The following NRXN3 variants were observed in gnomAD, a reference collection of about 807,000 sequenced individuals.
NRXN3 encodes the protein neurexin 3, also known as neurexin III.
In NRXN3, 32 loss-of-function variants were observed where a neutral mutation model predicts 137.6. The observed-to-expected ratio is 0.23, with a 90% CI of 0.18 to 0.31. The LOEUF (loss-of-function observed/expected upper bound fraction) is 0.31, where lower values mean the gene tolerates loss of function less well. Among genes scored for constraint, NRXN3 ranks in the 10% least tolerant of loss-of-function variants. The pLI, the probability that NRXN3 is intolerant of heterozygous loss-of-function variation, is 1.00. For missense variants in NRXN3, 1,574 were observed against 2,062.5 expected (o/e 0.76, Z 4.59); for synonymous variants, 798 against 784.5 (o/e 1.02, Z -0.29).
At chr14:79,764,022 G>T (rs2099047830) in intron 19 of NRXN3, among the ~76,000 whole-genome samples, 2 of 147,918 alleles carry the variant, frequency 1.4e-5, no homozygotes. Flanking sequence ...CACAGGGAGG[G>T]TATGTTGTTT....
chr14:79,215,723 A>T (rs1355643669), intron 15 of NRXN3, among the ~76,000 whole-genome samples: 2 of 152,200 alleles, frequency 1.3e-5, no homozygotes, highest in African/African-American at 4.8e-5. Flanking sequence ...GGGAACTACA[A>T]TTCGAGATGA....
At chr14:79,257,413 T>G (rs2076784756) in intron 15 of NRXN3, among the ~76,000 whole-genome samples, 1 of 64,308 alleles carries the variant, frequency 1.6e-5, no homozygotes, top group African/African-American at 6.1e-5. Flanking sequence ...GTGGTGGTGG[T>G]GATGGTGGTG....
intron 15 of NRXN3, among the ~76,000 whole-genome samples, chr14:79,137,757 T>C (rs1416344299): frequency 6.6e-6 from 1 of 152,196 alleles, no homozygotes; most frequent in Non-Finnish European, 1.5e-5. Flanking sequence ...ATTTAATTCA[T>C]ATTTAAAATC....
chr14:78,226,612 G>A (rs1452778490), intron 1 of NRXN3, among the ~76,000 whole-genome samples: 7 of 152,176 alleles, frequency 4.6e-5, no homozygotes, highest in Non-Finnish European at 1.0e-4. Context: ...AGTCCTGATT[G>A]TATAATAATG....
intron 19 of NRXN3, among the ~76,000 whole-genome samples, chr14:79,769,694 A>G (rs897667959): frequency 6.6e-6 from 1 of 152,164 alleles, no homozygotes; most frequent in Non-Finnish European, 1.5e-5. Flanking sequence ...GACCATCGAG[A>G]CTAGGAAGAA....
At chr14:79,523,089 C>T (rs7153889) in intron 16 of NRXN3, among the ~76,000 whole-genome samples, 14,487 of 152,078 alleles carry the variant, frequency 0.095, 1,689 homozygotes, top group African/African-American at 0.27. Flanking sequence ...CCACTGAAGG[C>T]TGGAGATGAA....
chr14:78,172,145 G>A (rs920285478), intron 1 of NRXN3, among the ~76,000 whole-genome samples: 3 of 152,110 alleles, frequency 2.0e-5, no homozygotes, highest in Admixed American at 6.5e-5. Flanking sequence ...CACACCTGGA[G>A]GATGGTGTAA....
At chr14:79,775,786 CTA>C (rs1250507890) in intron 19 of NRXN3, among the ~76,000 whole-genome samples, 2 of 152,090 alleles carry the variant, frequency 1.3e-5, no homozygotes, top group African/African-American at 4.8e-5. Flanking sequence ...AGTAGAAAGG[CTA>C]TGTTTGAAGA....
At chr14:78,381,255 C>G (rs2089058534) in intron 4 of NRXN3, among the ~76,000 whole-genome samples, 1 of 152,064 alleles carries the variant, frequency 6.6e-6, no homozygotes, top group Non-Finnish European at 1.5e-5. Flanking sequence ...AGGCTTGTCC[C>G]CAAAAGCATA....
At chr14:78,194,156 G>A (rs1296123175) in intron 1 of NRXN3, among the ~76,000 whole-genome samples, 2 of 152,184 alleles carry the variant, frequency 1.3e-5, no homozygotes, top group East Asian at 1.9e-4. Context: ...AGATGCAGTG[G>A]GCTGAGCACA....
chr14:79,797,630 C>G (rs748005517), intron 19 of NRXN3, among the ~76,000 whole-genome samples: 15 of 152,034 alleles, frequency 9.9e-5, no homozygotes, highest in Non-Finnish European at 1.9e-4. Context: ...GATGTTTAAT[C>G]AGAATAAAAT....
intron 19 of NRXN3, among the ~76,000 whole-genome samples, chr14:79,740,938 C>T (rs2098961153): frequency 6.6e-6 from 1 of 151,212 alleles, no homozygotes; most frequent in South Asian, 2.1e-4. Flanking sequence ...AGTTCTAAAA[C>T]ATTATTAATG....
chr14:79,308,440 C>G (rs1340157731), intron 15 of NRXN3, among the ~76,000 whole-genome samples: 2 of 152,142 alleles, frequency 1.3e-5, no homozygotes, highest in Non-Finnish European at 2.9e-5. Flanking sequence ...GAGAGTTAGA[C>G]TGGTCCTCCA....
At chr14:79,813,888 C>G (rs541199983) in intron 20 of NRXN3, among the ~76,000 whole-genome samples, 12 of 152,306 alleles carry the variant, frequency 7.9e-5, no homozygotes, top group Admixed American at 7.2e-4. Context: ...CCCCTCTCCA[C>G]AAATTTCAGA....
At chr14:78,255,261 G>C (rs2069373004) in intron 2 of NRXN3, among the ~76,000 whole-genome samples, 2 of 151,898 alleles carry the variant, frequency 1.3e-5, no homozygotes, top group African/African-American at 4.8e-5. Context: ...ATCATTTTGA[G>C]TCCAAGCACT....
intron 15 of NRXN3, among the ~76,000 whole-genome samples, chr14:79,204,564 G>A (rs2066521981): frequency 6.6e-6 from 1 of 152,056 alleles, no homozygotes. Context: ...TAGTATTTGG[G>A]TGTTTACATA....
chr14:79,523,367 G>A (rs1185258649), intron 16 of NRXN3, among the ~76,000 whole-genome samples: 1 of 152,068 alleles, frequency 6.6e-6, no homozygotes, highest in Non-Finnish European at 1.5e-5. Context: ...GCTTGATTTT[G>A]CCATGTTTAT....
At chr14:78,847,818 T>C (rs1205605652) in intron 10 of NRXN3, among the ~76,000 whole-genome samples, 1 of 152,104 alleles carries the variant, frequency 6.6e-6, no homozygotes, top group African/African-American at 2.4e-5. Flanking sequence ...AGGTGTCAGC[T>C]CTGTCAGATT....
intron 4 of NRXN3, among the ~76,000 whole-genome samples, chr14:78,352,515 C>A (rs901388398): frequency 3.9e-5 from 6 of 152,226 alleles, no homozygotes; most frequent in African/African-American, 1.4e-4. Flanking sequence ...CCACCATGAC[C>A]CCTGGTTGAA....
Sources: allele counts gnomAD v4.1 joint callset (sites outside exome capture counted in the v4.1 genomes callset), GRCh38; gene constraint gnomAD v4.1.1; transcripts MANE v1.5; gene names NCBI Gene and HGNC (gene_info 2026-07-23, HGNC 2026-07-21).